WWC1: variants seen among roughly 807,000 people sequenced by gnomAD.
WWC1 encodes WW and C2 domain containing 1.
Under a neutral mutation model 138.4 loss-of-function variants are expected in WWC1, and 55 were observed. The ratio of observed to expected loss-of-function variants is 0.40; its 90% confidence interval spans 0.32 to 0.50. The LOEUF (loss-of-function observed/expected upper bound fraction) is 0.50. Ranked by LOEUF, WWC1 falls within the 20% of genes least tolerant of loss-of-function variation. WWC1 has a pLI of 0.72. For synonymous variants in WWC1, 524 were observed against 564.9 expected (o/e 0.93, Z 1.03); for missense variants, 1,226 against 1,420.4 (o/e 0.86, Z 2.20).
At chr5:168,345,436 C>T (rs1451171563) in intron 1 of WWC1, among the ~76,000 whole-genome samples, 1 of 152,202 alleles carries the variant, frequency 6.6e-6, no homozygotes, top group African/African-American at 2.4e-5. Context: ...GTCTCTTCTT[C>T]TTTATCTTAA....
At chr5:168,435,230 TC>T (rs1782259852) in intron 15 of WWC1, among the ~76,000 whole-genome samples, 1 of 152,100 alleles carries the variant, frequency 6.6e-6, no homozygotes, top group Admixed American at 6.5e-5. Flanking sequence ...TTCTGCCATT[TC>T]CCTGGCTTCT....
chr5:168,444,408 G>T (rs950490997), intron 16 of WWC1, 86 bp from the exon 17 acceptor site: 1 of 1,334,008 alleles, frequency 7.5e-7, no homozygotes, highest in Non-Finnish European at 1.0e-6. Context: ...CACTGGGAGG[G>T]TCACAGCTCT....
chr5:168,392,651 T>A (rs1435317354), intron 3 of WWC1, among the ~76,000 whole-genome samples: 1 of 152,120 alleles, frequency 6.6e-6, no homozygotes, highest in Non-Finnish European at 1.5e-5. Flanking sequence ...TATGATTGTG[T>A]ACATTGCACT....
chr5:168,355,962 A>G (rs1337404242), intron 1 of WWC1, among the ~76,000 whole-genome samples: 1 of 151,876 alleles, frequency 6.6e-6, no homozygotes, highest in East Asian at 1.9e-4. Context: ...GAGAGATGTC[A>G]GTGATTCTCT....
chr5:168,377,159 G>A (rs1195810890), intron 2 of WWC1, among the ~76,000 whole-genome samples: 4 of 152,096 alleles, frequency 2.6e-5, no homozygotes, highest in South Asian at 2.1e-4. Flanking sequence ...CAACTAAGTC[G>A]ACAAAAATAT....
chr5:168,365,677 G>A (rs78954674), intron 1 of WWC1, among the ~76,000 whole-genome samples: 5,915 of 152,264 alleles, frequency 0.039, 170 homozygotes, highest in East Asian at 0.18. Context: ...GGCTCTCCCC[G>A]ACAGGTGTGC....
intron 1 of WWC1, among the ~76,000 whole-genome samples, chr5:168,338,268 G>T (rs1367053138): frequency 6.7e-6 from 1 of 150,268 alleles, no homozygotes; most frequent in African/African-American, 2.5e-5. Context: ...CCGAGATCGC[G>T]CCACTGCACT....
intron 9 of WWC1, chr5:168,416,372 T>A (rs1188368115): frequency 6.6e-6 from 1 of 152,260 alleles, no homozygotes; most frequent in African/African-American, 2.4e-5. Context: ...GGAAGCACCT[T>A]GCTAGAAGTC....
At chr5:168,360,021 G>A (rs1775766208) in intron 1 of WWC1, among the ~76,000 whole-genome samples, 1 of 152,122 alleles carries the variant, frequency 6.6e-6, no homozygotes, top group African/African-American at 2.4e-5. Flanking sequence ...ACAACCATTT[G>A]GTTCCTAGGG....
At chr5:168,436,377 C>T (rs1782353069) in intron 15 of WWC1, among the ~76,000 whole-genome samples, 1 of 152,174 alleles carries the variant, frequency 6.6e-6, no homozygotes, top group South Asian at 2.1e-4. Flanking sequence ...GATTCTTCCT[C>T]ATTTCCCTGA....
chr5:168,414,586 G>C lies in WWC1; in HGVS notation c.1180G>C (p.Glu394Gln). Reference protein sequence around the residue: ...ARDTQSKALTERLKLNSKRNQ... With the variant: ...ARDTQSKALTQRLKLNSKRNQ... ...GGACACCCAGAGCAAGGCGCTGACGGAGAGGTGGGGCTGGGGCCCCAGGGT... is the reference window on the plus strand; with the variant it reads ...GGACACCCAGAGCAAGGCGCTGACGCAGAGGTGGGGCTGGGGCCCCAGGGT... The change falls in exon 9 of 23, where the codon GAG becomes CAG. Residue 394 changes from glutamate to glutamine, a missense_variant. By Grantham distance (29) the Glu-to-Gln change is conservative (BLOSUM62 2). Transcript: ENST00000265293. The C allele has an allele frequency of 6.4e-7, 1 of 1,551,306 alleles. No homozygotes were observed. The highest frequency in any genetic ancestry group is 8.7e-7 in the Non-Finnish European group (1 of 1,147,824).
intron 2 of WWC1, among the ~76,000 whole-genome samples, chr5:168,382,221 T>C (rs1195717071): frequency 6.6e-6 from 1 of 152,154 alleles, no homozygotes; most frequent in Admixed American, 6.5e-5. Flanking sequence ...CATTTGGAGA[T>C]GAAAACAAGT....
At chr5:168,447,150 A>T (rs1755351502) in intron 17 of WWC1, among the ~76,000 whole-genome samples, 2 of 152,210 alleles carry the variant, frequency 1.3e-5, no homozygotes, top group African/African-American at 2.4e-5. Flanking sequence ...CCACTATGTC[A>T]TGGGGTATTT....
intron 8 of WWC1, chr5:168,412,037 T>A (rs1164062449): frequency 1.0e-6 from 1 of 985,396 alleles, no homozygotes; most frequent in Non-Finnish European, 1.2e-6. Flanking sequence ...CAGCAAGACA[T>A]CTGTATTTGG....
intron 17 of WWC1, among the ~76,000 whole-genome samples, chr5:168,450,233 C>T (rs1235101881): frequency 6.6e-6 from 1 of 152,180 alleles, no homozygotes; most frequent in Non-Finnish European, 1.5e-5. Context: ...CTATTTGTCA[C>T]ACCAAATCCT....
intron 2 of WWC1, among the ~76,000 whole-genome samples, chr5:168,383,916 A>G (rs62384073): frequency 0.15 from 23,425 of 152,016 alleles, 1,975 homozygotes; most frequent in African/African-American, 0.19. Context: ...TCATTAGTGT[A>G]TATGTTTTTT....
intron 1 of WWC1, among the ~76,000 whole-genome samples, chr5:168,363,524 CAAAA>C (rs386405611): frequency 3.0e-5 from 2 of 65,784 alleles, no homozygotes; most frequent in African/African-American, 6.9e-5. Context: ...GACTCTGTCT[CAAAA>C]AAAAAAAAAA....
chr5:168,450,559 G>A (rs1310921792), intron 17 of WWC1, among the ~76,000 whole-genome samples: 4 of 152,078 alleles, frequency 2.6e-5, no homozygotes, highest in Non-Finnish European at 5.9e-5. Flanking sequence ...CCAGCTACTC[G>A]GGAGGCTGAG....
At chr5:168,340,001 CTCTCTT>C in intron 1 of WWC1, among the ~76,000 whole-genome samples, 1 of 103,002 alleles carries the variant, frequency 9.7e-6, no homozygotes, top group African/African-American at 2.9e-5. Flanking sequence ...CTCTCTCTTT[CTCTCTT>C]TCTTTCTTTT....
Sources: gnomAD v4.1 joint callset for allele counts (sites outside exome capture counted in the v4.1 genomes callset) on GRCh38, gnomAD v4.1.1 for gene constraint, MANE v1.5 for transcripts, NCBI Gene and HGNC (gene_info 2026-07-23, HGNC 2026-07-21) for gene names.